Variants in INPP4B observed in about 807,000 individuals in gnomAD.
INPP4B encodes inositol polyphosphate 4-phosphatase type II.
INPP4B carries 55 observed loss-of-function variants against 122.5 expected under a neutral mutation model. The ratio of observed to expected loss-of-function variants is 0.45; its 90% CI spans 0.36 to 0.56. INPP4B has a LOEUF of 0.56. INPP4B is among the 20% of genes least tolerant of loss of function. The pLI, the probability that INPP4B is intolerant of heterozygous loss-of-function variation, is 0.00. For missense variants in INPP4B, 1,000 were observed against 1,097.7 expected, an observed-to-expected ratio of 0.91 and a Z score of 1.26; for synonymous variants, 403 against 388.7, an observed-to-expected ratio of 1.04 and a Z score of -0.43.
At chr4:142,346,309 T>G (rs1387326958) in intron 7 of INPP4B, among the ~76,000 whole-genome samples, 1 of 152,060 alleles carries the variant, frequency 6.6e-6, no homozygotes, top group Non-Finnish European at 1.5e-5. Flanking sequence ...TTTATTCCAT[T>G]TCACTTTTCT....
intron 2 of INPP4B, among the ~76,000 whole-genome samples, chr4:142,498,427 C>T (rs1560725898): frequency 6.6e-6 from 1 of 151,906 alleles, no homozygotes; most frequent in African/African-American, 2.4e-5. Flanking sequence ...TTGAAGATGA[C>T]TGTGATTTTG....
At chr4:142,692,107 G>A (rs1389098527) in intron 2 of INPP4B, among the ~76,000 whole-genome samples, 1 of 151,946 alleles carries the variant, frequency 6.6e-6, no homozygotes, top group East Asian at 1.9e-4. Context: ...AATCAGATTA[G>A]GTTATCATGA....
At chr4:142,583,141 TA>T (rs972019532) in intron 2 of INPP4B, among the ~76,000 whole-genome samples, 2 of 152,096 alleles carry the variant, frequency 1.3e-5, no homozygotes, top group Non-Finnish European at 2.9e-5. Flanking sequence ...AGGGATCAAA[TA>T]AAATACATGT....
intron 2 of INPP4B, among the ~76,000 whole-genome samples, chr4:142,606,029 G>A (rs1349577489): frequency 6.6e-6 from 1 of 151,984 alleles, no homozygotes; most frequent in Non-Finnish European, 1.5e-5. Context: ...TAAAGAAAAT[G>A]TGGTATACAT....
intron 14 of INPP4B, among the ~76,000 whole-genome samples, chr4:142,195,353 C>A (rs1837717200): frequency 6.6e-6 from 1 of 152,092 alleles, no homozygotes; most frequent in Admixed American, 6.6e-5. Context: ...CAGAGATATG[C>A]TGTATAACAT....
At chr4:142,482,025 T>A (rs562665959) in intron 2 of INPP4B, among the ~76,000 whole-genome samples, 1 of 152,268 alleles carries the variant, frequency 6.6e-6, no homozygotes, top group East Asian at 1.9e-4. Flanking sequence ...GAGCAGGACT[T>A]CCTGGGAACC....
intron 2 of INPP4B, among the ~76,000 whole-genome samples, chr4:142,705,486 C>T (rs1016082490): frequency 2.0e-5 from 3 of 149,888 alleles, no homozygotes; most frequent in East Asian, 1.9e-4. Context: ...CACACACACA[C>T]ACACACACAC....
At chr4:142,229,679 T>C (rs918657219) in intron 12 of INPP4B, among the ~76,000 whole-genome samples, 9 of 152,116 alleles carry the variant, frequency 5.9e-5, no homozygotes, top group Non-Finnish European at 1.3e-4. Flanking sequence ...TGCCAGAATA[T>C]CACTCAAAAG....
chr4:142,326,961 C>T (rs972872608), intron 7 of INPP4B, among the ~76,000 whole-genome samples: 4 of 152,192 alleles, frequency 2.6e-5, no homozygotes, highest in Non-Finnish European at 4.4e-5. Flanking sequence ...AGTCTCCTTC[C>T]AAAATCTATG....
intron 12 of INPP4B, among the ~76,000 whole-genome samples, chr4:142,236,977 AGCATTCAGCATT>A (rs1856939376): frequency 6.6e-6 from 1 of 152,206 alleles, no homozygotes; most frequent in Admixed American, 6.5e-5. Context: ...TATATAAGGT[AGCATTCAGCATT>A]TTTAATGCTA....
At chr4:142,749,314 T>TTA (rs1174106384) in intron 1 of INPP4B, among the ~76,000 whole-genome samples, 6 of 147,664 alleles carry the variant, frequency 4.1e-5, no homozygotes, top group Admixed American at 6.9e-5. Context: ...ATATGTTTAT[T>TTA]TATATATATA....
At chr4:142,555,712 C>CA (rs368308080) in intron 2 of INPP4B, among the ~76,000 whole-genome samples, 19 of 150,250 alleles carry the variant, frequency 1.3e-4, no homozygotes, top group African/African-American at 2.2e-4. Context: ...ACTAAAAATA[C>CA]AAAAAAAAAT....
intron 2 of INPP4B, among the ~76,000 whole-genome samples, chr4:142,673,086 A>G (rs1207003423): frequency 1.3e-5 from 2 of 152,082 alleles, no homozygotes; most frequent in Non-Finnish European, 1.5e-5. Flanking sequence ...TTTTCTAGCC[A>G]CTTATATACC....
Position 142,594,970 on chromosome 4 carries a change from A to G in INPP4B, c.-191+130869T>C, listed in dbSNP as rs929260494. Among the ~76,000 whole-genome samples the G allele has an allele frequency of 2.6e-3, 400 of 151,392 alleles. 7 individuals are homozygous for G. Among genetic ancestry groups the G allele is most frequent in the East Asian group, 0.018 (93 of 5,154 alleles). On this transcript the variant is annotated intron_variant, in intron 2 of 25. Transcript: ENST00000262992. ...ACTCTGTCTCAAAAAAAAAAAAAAA[A>G]AAAAAAAGAAAGGCAGAGCATGAAT...
At chr4:142,236,616 T>A (rs1323117464) in intron 12 of INPP4B, among the ~76,000 whole-genome samples, 14 of 152,190 alleles carry the variant, frequency 9.2e-5, no homozygotes, top group Non-Finnish European at 1.9e-4. Context: ...TTTCCCTAGA[T>A]GCAGATTATA....
intron 1 of INPP4B, among the ~76,000 whole-genome samples, chr4:142,840,833 T>A (rs556341015): frequency 6.6e-6 from 1 of 152,194 alleles, no homozygotes; most frequent in African/African-American, 2.4e-5. Flanking sequence ...TAAAATACTT[T>A]ATTCATAATT....
chr4:142,833,883 C>T (rs1425754492), intron 1 of INPP4B, among the ~76,000 whole-genome samples: 4 of 152,120 alleles, frequency 2.6e-5, no homozygotes, highest in African/African-American at 7.2e-5. Context: ...ACCTCAATAG[C>T]GCACCCAGAC....
intron 17 of INPP4B, among the ~76,000 whole-genome samples, chr4:142,154,028 G>A (rs1815839793): frequency 6.6e-6 from 1 of 152,196 alleles, no homozygotes; most frequent in East Asian, 1.9e-4. Context: ...GTTCAGGAAT[G>A]TTTCCCATCC....
At chr4:142,364,801 G>A (rs1028268194) in intron 7 of INPP4B, among the ~76,000 whole-genome samples, 9 of 152,064 alleles carry the variant, frequency 5.9e-5, no homozygotes, top group Admixed American at 5.2e-4. Context: ...ACTCATGTGT[G>A]CTCCCCAAGA....
Sources: gnomAD v4.1 joint callset for allele counts (sites outside exome capture counted in the v4.1 genomes callset) on GRCh38, gnomAD v4.1.1 for gene constraint, MANE v1.5 for transcripts, NCBI Gene and HGNC (gene_info 2026-07-23, HGNC 2026-07-21) for gene names.